Variants in ELP1 observed in about 807,000 individuals in gnomAD.
The protein encoded by ELP1 is elongator acetyltransferase complex subunit 1.
A neutral mutation model predicts 183.2 loss-of-function variants in ELP1; 131 were observed. The ratio of observed to expected loss-of-function variants is 0.72; its 90% CI spans 0.62 to 0.83. ELP1 has a LOEUF of 0.83. Ranked by LOEUF, ELP1 falls within the 40% of genes least tolerant of loss-of-function variation. The pLI, the probability that ELP1 is intolerant of heterozygous loss-of-function variation, is 0.00. For missense variants in ELP1, 1,550 were observed against 1,594.9 expected, an observed-to-expected ratio of 0.97 and a Z score of 0.48; for synonymous variants, 555 against 569.0, an observed-to-expected ratio of 0.98 and a Z score of 0.35.
At chr9:108,927,548 G>C (rs536004124) in intron 3 of ELP1, 95 bp from the exon 4 acceptor site, 1 of 944,800 alleles carries the variant, frequency 1.1e-6, no homozygotes, top group Admixed American at 1.8e-5. Context: ...AAAACAAAAC[G>C]AAAAGACATC....
At chr9:108,926,297 G>C (rs892373795) in intron 5 of ELP1, among the ~76,000 whole-genome samples, 1 of 152,164 alleles carries the variant, frequency 6.6e-6, no homozygotes, top group Admixed American at 6.5e-5. Flanking sequence ...CCTAGGGTTT[G>C]GGTAATAACT....
At chr9:108,905,299 G>T (rs1828977602) in intron 14 of ELP1, among the ~76,000 whole-genome samples, 1 of 152,146 alleles carries the variant, frequency 6.6e-6, no homozygotes, top group South Asian at 2.1e-4. Flanking sequence ...AAATTAATCT[G>T]GGGATTAGTG....
At chr9:108,889,456 C>G in intron 28 of ELP1, 63 bp from the exon 29 acceptor site, 1 of 1,389,778 alleles carries the variant, frequency 7.2e-7, no homozygotes, top group South Asian at 1.2e-5. Flanking sequence ...TCAAGTGCTT[C>G]TTTAATATGT....
At position 108,869,182 on chromosome 9, in the gene ELP1, T is replaced by A; in HGVS notation, c.3932A>T (p.Asp1311Val). Reference protein sequence around the residue: ...QQQKTSVPVLDAELFIPPKIN... With the variant: ...QQQKTSVPVLVAELFIPPKIN... The stretch of plus-strand genomic sequence containing the variant: ...CTTTGGTGGTATAAAAAGCTCAGCA[T>A]CTAAAAGCAAGAAAGGAAGGGAAAT... The change falls in exon 37 of 37, where the codon GAT becomes GTT. Residue 1311 changes from aspartate (D) to valine (V), a missense_variant and splice_region_variant. Asp to Val is a radical substitution (Grantham distance 152, BLOSUM62 -3). Coordinates refer to ENST00000374647, the MANE Select transcript of ELP1 (RefSeq NM_003640.5). 2.5e-6 allele frequency: 4 copies of A among 1,613,962 alleles called. No individual in the cohort carries two copies. Among genetic ancestry groups the A allele is most frequent in the Non-Finnish European group, 3.4e-6 (4 of 1,179,836 alleles).
chr9:108,878,252 T>G lies in ELP1; in HGVS notation c.3701-103A>C. On this transcript the variant is annotated intron_variant, in intron 34 of 36. Coordinates refer to ENST00000374647, the MANE Select transcript of ELP1 (RefSeq NM_003640.5). ...AAGCCAAAAATTTCTATGATCCCACTGCAGGTCCTTTCTCCCACATTATCT... is the reference window on the plus strand; with the variant it reads ...AAGCCAAAAATTTCTATGATCCCACGGCAGGTCCTTTCTCCCACATTATCT... 4.5e-6 allele frequency: 4 copies of G among 894,378 alleles called. No homozygotes were observed. In the South Asian group the frequency reaches 5.7e-5, roughly 13 times the overall value. The allele number at this position is 894,378 out of a possible 1,614,324, so 55.4% of individuals were successfully genotyped here. A position where few individuals can be genotyped will look rare whatever the true frequency, so the allele number is the denominator to read the frequency against.
At position 108,917,758 on chromosome 9, in the gene ELP1, C is replaced by CATGA. The variant is rs57787716; in HGVS notation, c.741-92_741-89dup. Reference sequence around the variant, plus strand: ...CCAGAAGAGTTTTTTTTCCAGCAAACATGAATGAATGAATGAACGAATTAA... The same window carrying CATGA: ...CCAGAAGAGTTTTTTTTCCAGCAAACATGAATGAATGAATGAATGAACGAATTAA... On this transcript the variant is annotated intron_variant, in intron 8 of 36. Coordinates refer to ENST00000374647, the MANE Select transcript of ELP1 (RefSeq NM_003640.5). 5.2e-3 allele frequency: 6,963 copies of CATGA among 1,341,688 alleles called. 290 individuals are homozygous for CATGA. In the African/African-American group the frequency reaches 0.091, roughly 18 times the overall value. The allele number at this position is 1,341,688 out of a possible 1,614,324, so 83.1% of individuals were successfully genotyped here.
intron 17 of ELP1, 39 bp downstream of exon 17, chr9:108,901,589 A>G (rs1828811700): frequency 6.2e-7 from 1 of 1,612,472 alleles, no homozygotes; most frequent in African/African-American, 1.3e-5. Context: ...CGGAGCTAAC[A>G]CTGTGAAAAG....
intron 29 of ELP1, among the ~76,000 whole-genome samples, chr9:108,883,730 T>C (rs1171838487): frequency 1.3e-5 from 2 of 152,138 alleles, no homozygotes; most frequent in Non-Finnish European, 1.5e-5. Context: ...GGTCAGTTAA[T>C]GATATTTATT....
intron 27 of ELP1, 24 bp downstream of exon 27, chr9:108,892,962 G>C (rs898310425): frequency 1.3e-6 from 2 of 1,547,086 alleles, no homozygotes; most frequent in African/African-American, 2.7e-5. Flanking sequence ...AACCAGGAGA[G>C]CCTCATTTTC....
chr9:108,890,103 G>A (rs553629542), intron 28 of ELP1, among the ~76,000 whole-genome samples: 1 of 152,252 alleles, frequency 6.6e-6, no homozygotes, highest in East Asian at 1.9e-4. Flanking sequence ...GCTAAGAGCT[G>A]TAAAGAATAG....
At position 108,893,257 on chromosome 9, in the gene ELP1, G is replaced by A. The variant is rs55760242; in HGVS notation, c.2861-174C>T. Among the ~76,000 whole-genome samples, 4 of 152,322 alleles carry A rather than the reference G, an allele frequency of 2.6e-5. No individual in the cohort carries two copies. The East Asian group carries it at 7.7e-4, about 29-fold the overall frequency. On this transcript the variant is annotated intron_variant, in intron 26 of 36. Coordinates refer to ENST00000374647, the MANE Select transcript of ELP1 (RefSeq NM_003640.5). Reference sequence around the variant, plus strand: ...TGAATTTTTAATGAGCACCACTGCAGATTCTGAGGCAAGAGCAGCACTGAT... The same window carrying A: ...TGAATTTTTAATGAGCACCACTGCAAATTCTGAGGCAAGAGCAGCACTGAT...
rs552967602 is a variant in ELP1 at position 108,901,699 on chromosome 9, T to A, written c.1855-18A>T. On this transcript the variant is annotated intron_variant, in intron 16 of 36. Transcript: ENST00000374647. ...ACACATTCCTGCAAAGAAATAAAAC[T>A]GAAATCACAAGCAATTCTATCTCAA... 10 of 1,612,784 alleles carry A rather than the reference T, an allele frequency of 6.2e-6. No homozygotes were observed. In the African/African-American group the frequency reaches 8.0e-5, roughly 13 times the overall value.
chr9:108,912,628 C>T, intron 10 of ELP1, 134 bp from the exon 11 acceptor site: 1 of 680,530 alleles, frequency 1.5e-6, no homozygotes, highest in Non-Finnish European at 2.6e-6. Context: ...AAAATAAGAA[C>T]AATAATAACT....
chr9:108,889,514 T>G, intron 28 of ELP1, 121 bp from the exon 29 acceptor site: 2 of 884,882 alleles, frequency 2.3e-6, no homozygotes, highest in South Asian at 2.7e-5. Context: ...TGTGAGGGAA[T>G]AGGTATATAC....
At position 108,901,442 on chromosome 9, in the gene ELP1, C is replaced by T; in HGVS notation, c.1997G>A (p.Arg666Lys). The change falls in exon 18 of 37, where the codon AGG becomes AAG. Residue 666 changes from arginine to lysine, a missense_variant. Physicochemically the swap from Arg to Lys is conservative, Grantham distance 26. Coordinates refer to ENST00000374647, the MANE Select transcript of ELP1 (RefSeq NM_003640.5). ...AAACTTACTTTTAAATGAAGCATCCCTCAGGCAAAAACACTGGCAGGTATG... is the reference window on the plus strand; with the variant it reads ...AAACTTACTTTTAAATGAAGCATCCTTCAGGCAAAAACACTGGCAGGTATG... ...HSHTCQCFCL[R>K]DASFKTLQAG... 4 of 1,612,672 alleles carry T rather than the reference C, an allele frequency of 2.5e-6. No homozygotes were observed. The highest frequency in any genetic ancestry group is 3.4e-6 in the Non-Finnish European group (4 of 1,178,666).
chr9:108,908,263 G>A, intron 13 of ELP1, 42 bp downstream of exon 13: 1 of 1,429,322 alleles, frequency 7.0e-7, no homozygotes, highest in Non-Finnish European at 9.9e-7. Context: ...CTGCATGCTG[G>A]CTGATTCTGT....
At chr9:108,932,308 G>T (rs1830024712) in intron 1 of ELP1, among the ~76,000 whole-genome samples, 1 of 152,188 alleles carries the variant, frequency 6.6e-6, no homozygotes, top group African/African-American at 2.4e-5. Context: ...TTCAAGAACT[G>T]CTAGAAATTA....
chr9:108,911,784 T>G (rs1271820080), intron 11 of ELP1, among the ~76,000 whole-genome samples: 1 of 151,964 alleles, frequency 6.6e-6, no homozygotes, highest in Non-Finnish European at 1.5e-5. Flanking sequence ...TACCTCATTA[T>G]AAAATATAAA....
intron 5 of ELP1, among the ~76,000 whole-genome samples, chr9:108,925,721 T>C (rs1296072616): frequency 6.6e-6 from 1 of 152,190 alleles, no homozygotes; most frequent in African/African-American, 2.4e-5. Context: ...AGCTAATTTT[T>C]AAATTCTTTG....
Sources: gnomAD v4.1 joint callset for allele counts (sites outside exome capture counted in the v4.1 genomes callset) on GRCh38, gnomAD v4.1.1 for gene constraint, MANE v1.5 for transcripts, NCBI Gene and HGNC (gene_info 2026-07-23, HGNC 2026-07-21) for gene names.